The following ATXN7L1 variants were observed in gnomAD, a reference collection of about 807,000 sequenced individuals.
ATXN7L1 encodes the protein ataxin 7 like 1.
ATXN7L1 carries 15 observed loss-of-function variants against 70.8 expected under a neutral mutation model. The ratio of observed to expected loss-of-function variants is 0.21; its 90% confidence interval spans 0.14 to 0.33. ATXN7L1 has a LOEUF of 0.33. Ranked by LOEUF, ATXN7L1 falls within the 10% of genes least tolerant of loss-of-function variation. The pLI is 1.00. For synonymous variants in ATXN7L1, 440 were observed against 445.1 expected (o/e 0.99, Z 0.14); for missense variants, 975 against 1,097.1 (o/e 0.89, Z 1.57).
intron 2 of ATXN7L1, among the ~76,000 whole-genome samples, chr7:105,820,406 C>T (rs1022144759): frequency 5.3e-5 from 8 of 152,072 alleles, no homozygotes; most frequent in African/African-American, 1.9e-4. Flanking sequence ...AGGTGAGGAA[C>T]ATGCTGGGCA....
intron 2 of ATXN7L1, among the ~76,000 whole-genome samples, chr7:105,852,737 A>G (rs934343621): frequency 1.3e-5 from 2 of 151,782 alleles, no homozygotes; most frequent in African/African-American, 4.8e-5. Context: ...TCACAGATAG[A>G]AACAGGTATA....
chr7:105,761,320 C>T, intron 3 of ATXN7L1: 2 of 1,611,040 alleles, frequency 1.2e-6, no homozygotes, highest in East Asian at 2.2e-5. Context: ...CGTCTCCAGA[C>T]AATGCCAGTC....
chr7:105,772,574 C>G (rs1173391510), intron 3 of ATXN7L1, among the ~76,000 whole-genome samples: 3 of 151,906 alleles, frequency 2.0e-5, no homozygotes, highest in African/African-American at 7.3e-5. Flanking sequence ...ACAAAGACAC[C>G]ACTACTAAAA....
At position 105,756,414 on chromosome 7, in the gene ATXN7L1, A is replaced by G. The variant is rs576647022; in HGVS notation, c.355+32190T>C. 1.1e-4 allele frequency among the ~76,000 whole-genome samples: 17 copies of G among 152,348 alleles called. No homozygotes were observed. In the South Asian group the frequency reaches 2.7e-3, roughly 24 times the overall value. On this transcript the variant is annotated intron_variant, in intron 3 of 11. Coordinates refer to ENST00000419735, the MANE Select transcript of ATXN7L1 (RefSeq NM_020725.2). ...TGAAAAAGAAATATATATATTTCCAATTGGAAGCGACCAGGGAATGCTTCT... is the reference window on the plus strand; with the variant it reads ...TGAAAAAGAAATATATATATTTCCAGTTGGAAGCGACCAGGGAATGCTTCT...
intron 9 of ATXN7L1, among the ~76,000 whole-genome samples, chr7:105,617,354 T>C (rs1794070776): frequency 6.6e-6 from 1 of 152,262 alleles, no homozygotes; most frequent in Non-Finnish European, 1.5e-5. Context: ...TGTCTCAATT[T>C]ATAATTTTCC....
At chr7:105,850,521 A>G (rs1011850562) in intron 2 of ATXN7L1, among the ~76,000 whole-genome samples, 1 of 152,268 alleles carries the variant, frequency 6.6e-6, no homozygotes, top group African/African-American at 2.4e-5. Context: ...GTGATATCCC[A>G]TTAAGCAGAT....
chr7:105,700,447 C>T (rs1043234627), intron 3 of ATXN7L1, among the ~76,000 whole-genome samples: 2 of 124,360 alleles, frequency 1.6e-5, no homozygotes, highest in Non-Finnish European at 3.2e-5. Flanking sequence ...GCAGAGGTTG[C>T]AGTGAGCTGA....
intron 3 of ATXN7L1, among the ~76,000 whole-genome samples, chr7:105,734,844 GA>G (rs34703825): frequency 0.14 from 21,490 of 151,880 alleles, 2,361 homozygotes; most frequent in African/African-American, 0.31. Flanking sequence ...ACAAATATGG[GA>G]CAAAGCAAGA....
chr7:105,851,302 G>T (rs1814842249), intron 2 of ATXN7L1, among the ~76,000 whole-genome samples: 1 of 152,204 alleles, frequency 6.6e-6, no homozygotes, highest in Non-Finnish European at 1.5e-5. Flanking sequence ...GGGCCAAGAA[G>T]TTAGCTAAGG....
intron 3 of ATXN7L1, among the ~76,000 whole-genome samples, chr7:105,698,467 T>C (rs2116227329): frequency 6.6e-6 from 1 of 152,330 alleles, no homozygotes; most frequent in African/African-American, 2.4e-5. Context: ...TGGGCTCAAG[T>C]GATCCTCCCA....
intron 3 of ATXN7L1, among the ~76,000 whole-genome samples, chr7:105,723,798 T>G (rs1464069656): frequency 6.6e-6 from 1 of 152,200 alleles, no homozygotes; most frequent in Non-Finnish European, 1.5e-5. Flanking sequence ...TGCTCCATTA[T>G]GCTGGGCTGT....
At chr7:105,782,116 G>A (rs1584991263) in intron 3 of ATXN7L1, among the ~76,000 whole-genome samples, 1 of 152,146 alleles carries the variant, frequency 6.6e-6, no homozygotes, top group Non-Finnish European at 1.5e-5. Context: ...TTACAGATGT[G>A]AGCCACTGCG....
Position 105,614,609 on chromosome 7 carries a change from G to T in ATXN7L1, c.1725C>A (p.Ser575Arg). Residue 575 changes from serine to arginine, a missense_variant, in exon 10 of 12, where the codon AGC becomes AGA. By Grantham distance (110) the Ser-to-Arg change is moderately radical. Coordinates refer to ENST00000419735, the MANE Select transcript of ATXN7L1 (RefSeq NM_020725.2). This position sits in a 1 kb window ranked among gnomAD's most constrained non-coding sequence, Gnocchi z 4.3. ...AAGCTGTGGTGTGGGACATGAGGGC[G>T]CTCGGGTCCGGCGATGTCACGAAAG... ...NAAFVTSPDP[S>R]ALMSHTTAFP... is the part of the protein sequence containing the mutation. The T allele has an allele frequency of 1.3e-6, 2 of 1,551,852 alleles. No individual in the cohort carries two copies. The highest frequency in any genetic ancestry group is 1.7e-4 in the Middle Eastern group (1 of 5,994).
chr7:105,810,203 C>T (rs560410531), intron 2 of ATXN7L1, among the ~76,000 whole-genome samples: 29 of 149,214 alleles, frequency 1.9e-4, no homozygotes, highest in Non-Finnish European at 3.9e-4. Flanking sequence ...GGAGGATAAA[C>T]GAGATGTGGT....
chr7:105,701,660 C>CA (rs1259720110), intron 3 of ATXN7L1, among the ~76,000 whole-genome samples: 2 of 151,774 alleles, frequency 1.3e-5, no homozygotes, highest in Non-Finnish European at 2.9e-5. Flanking sequence ...TCTACTCATA[C>CA]AAAAAAAGGG....
At chr7:105,617,995 T>A (rs531062259) in intron 9 of ATXN7L1, 1 of 456,734 alleles carries the variant, frequency 2.2e-6, no homozygotes, top group South Asian at 1.5e-5. Flanking sequence ...TCTCCAGAGT[T>A]GACACCCAGG....
At chr7:105,612,664 A>C (rs555394763) in intron 10 of ATXN7L1, among the ~76,000 whole-genome samples, 1 of 151,986 alleles carries the variant, frequency 6.6e-6, no homozygotes, top group Non-Finnish European at 1.5e-5. Flanking sequence ...CCTCAGCTCG[A>C]GCGAGAGGAC....
At chr7:105,665,658 C>A (rs1802497742) in intron 3 of ATXN7L1, among the ~76,000 whole-genome samples, 1 of 152,194 alleles carries the variant, frequency 6.6e-6, no homozygotes, top group African/African-American at 2.4e-5. Flanking sequence ...GACAGCTACA[C>A]AGAGGCCACA....
At chr7:105,869,636 T>A (rs913617751) in intron 2 of ATXN7L1, among the ~76,000 whole-genome samples, 9 of 152,186 alleles carry the variant, frequency 5.9e-5, no homozygotes, top group African/African-American at 2.2e-4. Context: ...CAAACTCTTA[T>A]AGTCACAGCA....
Sources: gnomAD v4.1 joint callset for allele counts (sites outside exome capture counted in the v4.1 genomes callset) on GRCh38, gnomAD v4.1.1 for gene constraint, Gnocchi (gnomAD v3.1) non-coding constraint, MANE v1.5 for transcripts, NCBI Gene and HGNC (gene_info 2026-07-23, HGNC 2026-07-21) for gene names.